The following KCNIP4 variants were observed in gnomAD, a reference collection of about 807,000 sequenced individuals.
KCNIP4 encodes Kv channel-interacting protein 4.
In KCNIP4, 12 loss-of-function variants were observed where a neutral mutation model predicts 34.0. The observed-to-expected ratio is 0.35, with a 90% CI of 0.23 to 0.57. KCNIP4 has a LOEUF of 0.57. Ranked by LOEUF, KCNIP4 falls within the 20% of genes least tolerant of loss-of-function variation. The pLI is 0.83. For missense variants in KCNIP4, 238 were observed against 311.7 expected (o/e 0.76, Z 1.78); for synonymous variants, 124 against 102.2 (o/e 1.21, Z -1.29).
At chr4:21,183,469 G>GTTTTTTTTT (rs3080812) in intron 1 of KCNIP4, among the ~76,000 whole-genome samples, 3 of 128,296 alleles carry the variant, frequency 2.3e-5, no homozygotes, top group African/African-American at 2.9e-5. Flanking sequence ...TGTTGTTTTT[G>GTTTTTTTTT]TTTTTTTTTT....
intron 3 of KCNIP4, among the ~76,000 whole-genome samples, chr4:20,770,251 A>G (rs1337758303): frequency 6.6e-6 from 1 of 152,156 alleles, no homozygotes; most frequent in African/African-American, 2.4e-5. Flanking sequence ...GCGATTTGAA[A>G]AGACTATATT....
chr4:21,808,482 G>T (rs1721431971), intron 1 of KCNIP4, among the ~76,000 whole-genome samples: 2 of 151,986 alleles, frequency 1.3e-5, no homozygotes, highest in Non-Finnish European at 2.9e-5. Flanking sequence ...TTCATTGTAA[G>T]AATACAGTAT....
At chr4:21,093,416 T>C (rs1371604497) in intron 1 of KCNIP4, among the ~76,000 whole-genome samples, 1 of 152,176 alleles carries the variant, frequency 6.6e-6, no homozygotes. Flanking sequence ...AGATACCTTA[T>C]AAAATTAGAA....
chr4:21,098,203 G>T (rs1022917201), intron 1 of KCNIP4, among the ~76,000 whole-genome samples: 8 of 152,192 alleles, frequency 5.3e-5, no homozygotes, highest in Admixed American at 1.3e-4. Flanking sequence ...GAAAGAAGTT[G>T]TCTCCATAAT....
chr4:21,673,439 A>G (rs1465562575), intron 1 of KCNIP4, among the ~76,000 whole-genome samples: 2 of 152,214 alleles, frequency 1.3e-5, no homozygotes, highest in Admixed American at 6.5e-5. Flanking sequence ...CATTTAAAAT[A>G]AAATACAGTG....
intron 1 of KCNIP4, among the ~76,000 whole-genome samples, chr4:21,097,961 A>T (rs117365304): frequency 6.6e-6 from 1 of 152,206 alleles, no homozygotes; most frequent in Non-Finnish European, 1.5e-5. Context: ...GAGTTCTTGA[A>T]GAAAATTAAA....
chr4:21,101,681 T>C (rs551256769), intron 1 of KCNIP4, among the ~76,000 whole-genome samples: 2 of 152,248 alleles, frequency 1.3e-5, no homozygotes, highest in African/African-American at 4.8e-5. Context: ...CGGTAAGAGC[T>C]AGATAAATTA....
chr4:20,825,643 G>T (rs1221825398), intron 3 of KCNIP4, among the ~76,000 whole-genome samples: 1 of 152,220 alleles, frequency 6.6e-6, no homozygotes, highest in African/African-American at 2.4e-5. Flanking sequence ...ATGACCAGCA[G>T]ATAATGGGAC....
intron 4 of KCNIP4, among the ~76,000 whole-genome samples, chr4:20,756,547 C>G (rs1054439341): frequency 6.6e-6 from 1 of 152,152 alleles, no homozygotes; most frequent in Non-Finnish European, 1.5e-5. Context: ...CATCACTTCA[C>G]TCTTCCAGCA....
At chr4:21,763,747 T>C (rs1718212154) in intron 1 of KCNIP4, among the ~76,000 whole-genome samples, 1 of 152,330 alleles carries the variant, frequency 6.6e-6, no homozygotes, top group African/African-American at 2.4e-5. Flanking sequence ...CCACTGTATA[T>C]GCTAAATTTT....
rs1369903020 is a variant in KCNIP4 at position 21,519,371 on chromosome 4, C to CGTATATGTATGTGTATATAT, written c.61+429199_61+429200insATATATACACATACATATAC. Among the ~76,000 whole-genome samples the CGTATATGTATGTGTATATAT allele has an allele frequency of 4.6e-3, 527 of 114,748 alleles. 3 individuals carry two copies. Among genetic ancestry groups the CGTATATGTATGTGTATATAT allele is most frequent in the Non-Finnish European group, 5.4e-3 (288 of 53,142 alleles). 75.3% of individuals were successfully genotyped at this position (114,748 alleles called of 152,430 possible). On this transcript the variant is annotated intron_variant, in intron 1 of 8. Coordinates refer to ENST00000382152, the MANE Select transcript of KCNIP4 (RefSeq NM_025221.6). The stretch of plus-strand genomic sequence containing the variant: ...ACACACACACACACACACACACACA[C>CGTATATGTATGTGTATATAT]ACGTATATGTATGTGTATATATACA...
At chr4:20,993,027 C>CAAAAAAA (rs11416440) in intron 1 of KCNIP4, among the ~76,000 whole-genome samples, 4 of 42,052 alleles carry the variant, frequency 9.5e-5, no homozygotes, top group African/African-American at 1.8e-4. Context: ...GACTCCATCT[C>CAAAAAAA]AAAAAAAAAA....
intron 1 of KCNIP4, among the ~76,000 whole-genome samples, chr4:21,694,547 T>C (rs941404525): frequency 6.6e-6 from 1 of 152,132 alleles, no homozygotes; most frequent in Admixed American, 6.6e-5. Flanking sequence ...TCAGGGAAAA[T>C]AGATGTATCT....
intron 1 of KCNIP4, among the ~76,000 whole-genome samples, chr4:21,645,718 G>A (rs1039792015): frequency 3.3e-5 from 5 of 152,168 alleles, no homozygotes; most frequent in Non-Finnish European, 4.4e-5. Flanking sequence ...ACAATTTCAC[G>A]TCTGTCTGGG....
chr4:21,490,042 G>A (rs115485147), intron 1 of KCNIP4, among the ~76,000 whole-genome samples: 2 of 152,136 alleles, frequency 1.3e-5, no homozygotes, highest in African/African-American at 4.8e-5. Flanking sequence ...TGTGGAAAGC[G>A]CTCTTTTTAT....
chr4:21,918,561 T>C (rs576182987), intron 1 of KCNIP4, among the ~76,000 whole-genome samples: 4 of 152,024 alleles, frequency 2.6e-5, no homozygotes, highest in Non-Finnish European at 5.9e-5. Context: ...GGTCAAACTG[T>C]CACCTAATTC....
chr4:21,754,922 G>T (rs573629616), intron 1 of KCNIP4, among the ~76,000 whole-genome samples: 1 of 152,016 alleles, frequency 6.6e-6, no homozygotes. Context: ...CGAGGTGGGC[G>T]GATCACCTGA....
At position 21,603,608 on chromosome 4, in the gene KCNIP4, C is replaced by T. The variant is rs577925773; in HGVS notation, c.61+344963G>A. Among the ~76,000 whole-genome samples, 44 of 152,060 alleles carry T rather than the reference C, an allele frequency of 2.9e-4. 1 individual carries two copies. In the South Asian group the frequency reaches 7.7e-3, roughly 27 times the overall value. On this transcript the variant is annotated intron_variant, in intron 1 of 8. Coordinates refer to ENST00000382152, the MANE Select transcript of KCNIP4 (RefSeq NM_025221.6). ...TACCTTGCCGGCTAAGCTAAAATCA[C>T]GGGGTCCAACTTCTGTTATTTGGAA...
At chr4:21,260,567 C>G (rs191994847) in intron 1 of KCNIP4, among the ~76,000 whole-genome samples, 510 of 138,654 alleles carry the variant, frequency 3.7e-3, no homozygotes, top group Non-Finnish European at 7.0e-3. Context: ...ATAAACACAT[C>G]TGGCTGGAAC....
Sources: gnomAD v4.1 joint callset for allele counts (sites outside exome capture counted in the v4.1 genomes callset) on GRCh38, gnomAD v4.1.1 for gene constraint, MANE v1.5 for transcripts, NCBI Gene and HGNC (gene_info 2026-07-23, HGNC 2026-07-21) for gene names.